Variants in LRRTM4 observed in about 807,000 individuals in gnomAD.
LRRTM4 encodes the protein leucine rich repeat transmembrane neuronal 4, also known as leucine-rich repeat transmembrane neuronal protein 4.
A neutral mutation model predicts 47.6 loss-of-function variants in LRRTM4; 25 were observed. That is an observed-to-expected ratio of 0.53 (90% CI 0.38 to 0.73). The LOEUF (loss-of-function observed/expected upper bound fraction) is 0.73, where lower values mean the gene tolerates loss of function less well. Among genes scored for constraint, LRRTM4 ranks in the 30% least tolerant of loss-of-function variants. The probability of loss-of-function intolerance (pLI) is 0.00; values close to 1 mark genes in which losing one functional copy is unlikely to be tolerated. For missense variants in LRRTM4, 638 were observed against 713.4 expected, an observed-to-expected ratio of 0.89 and a Z score of 1.20; for synonymous variants, 311 against 269.5, an observed-to-expected ratio of 1.15 and a Z score of -1.51.
At chr2:76,752,955 T>C (rs756975440) in intron 3 of LRRTM4, among the ~76,000 whole-genome samples, 118 of 152,186 alleles carry the variant, frequency 7.8e-4, no homozygotes, top group African/African-American at 2.6e-3. Context: ...TGACTGCTCA[T>C]TGACTGCATT....
chr2:77,106,541 T>TA (rs200347318), intron 3 of LRRTM4, among the ~76,000 whole-genome samples: 20 of 150,922 alleles, frequency 1.3e-4, no homozygotes, highest in African/African-American at 2.4e-4. Context: ...TAACACATAT[T>TA]AAAAAAAAAC....
At chr2:77,311,713 T>G (rs1677462525) in intron 3 of LRRTM4, among the ~76,000 whole-genome samples, 1 of 151,940 alleles carries the variant, frequency 6.6e-6, no homozygotes, top group Non-Finnish European at 1.5e-5. Flanking sequence ...CTAGAAGAAG[T>G]GAGCAATAAT....
chr2:76,979,666 T>C (rs1179556246), intron 3 of LRRTM4, among the ~76,000 whole-genome samples: 8 of 144,192 alleles, frequency 5.5e-5, no homozygotes, highest in African/African-American at 2.1e-4. Flanking sequence ...TTGGTTGTGT[T>C]TGAATCACAG....
chr2:77,170,950 TG>T (rs1673031378), intron 3 of LRRTM4, among the ~76,000 whole-genome samples: 2 of 69,992 alleles, frequency 2.9e-5, no homozygotes, highest in South Asian at 4.3e-4. Context: ...ATGTATTATA[TG>T]TATTATATGT....
chr2:76,771,245 G>A (rs1673689437), intron 3 of LRRTM4, among the ~76,000 whole-genome samples: 1 of 152,200 alleles, frequency 6.6e-6, no homozygotes, highest in South Asian at 2.1e-4. Flanking sequence ...AGCCACAGGA[G>A]TTGGAATCGC....
rs1240868472 is a variant in LRRTM4, at chr2:77,373,874, T to C, written c.1551+144444A>G. On this transcript the variant is annotated intron_variant, in intron 3 of 3. Transcript: ENST00000409884. ...GGAAACAGCTCAGGTTAACACCTAA[T>C]GAAAAGCCTATATTTTTTTCTTATG... 3.3e-5 allele frequency among the ~76,000 whole-genome samples: 5 copies of C among 151,774 alleles called. No individual in the cohort carries two copies. The East Asian group carries it at 9.7e-4, about 29-fold the overall frequency.
At chr2:77,326,291 CTT>C (rs1370940905) in intron 3 of LRRTM4, among the ~76,000 whole-genome samples, 7 of 152,188 alleles carry the variant, frequency 4.6e-5, no homozygotes, top group Non-Finnish European at 8.8e-5. Context: ...AATGTATCTA[CTT>C]TTCTCTTGTT....
At chr2:77,494,380 C>T (rs1573491582) in intron 3 of LRRTM4, among the ~76,000 whole-genome samples, 1 of 152,098 alleles carries the variant, frequency 6.6e-6, no homozygotes, top group Non-Finnish European at 1.5e-5. Context: ...TTGCGCATTG[C>T]TGTCGGTGGT....
At chr2:76,775,879 G>A (rs1673956733) in intron 3 of LRRTM4, among the ~76,000 whole-genome samples, 1 of 151,990 alleles carries the variant, frequency 6.6e-6, no homozygotes, top group Non-Finnish European at 1.5e-5. Context: ...CTAGCATTAG[G>A]TATGTCTCCC....
intron 3 of LRRTM4, among the ~76,000 whole-genome samples, chr2:76,913,988 A>C (rs1489080385): frequency 2.0e-5 from 3 of 151,978 alleles, no homozygotes; most frequent in African/African-American, 7.2e-5. Flanking sequence ...TCAATATTTA[A>C]AAAGTATAAT....
intron 3 of LRRTM4, among the ~76,000 whole-genome samples, chr2:77,216,773 T>C (rs975763858): frequency 2.0e-5 from 3 of 151,454 alleles, no homozygotes; most frequent in African/African-American, 7.3e-5. Flanking sequence ...CTGTATCACT[T>C]AGAGAGGTTT....
chr2:77,234,491 T>C (rs958355144), intron 3 of LRRTM4, among the ~76,000 whole-genome samples: 6 of 152,330 alleles, frequency 3.9e-5, no homozygotes, highest in Non-Finnish European at 7.3e-5. Context: ...CTGTAAAAGG[T>C]AGGATTAACA....
chr2:77,221,782 C>T (rs1226880778), intron 3 of LRRTM4, among the ~76,000 whole-genome samples: 5 of 152,196 alleles, frequency 3.3e-5, no homozygotes, highest in Non-Finnish European at 5.9e-5. Context: ...CCACTGTCAA[C>T]ATTAGACAGA....
intron 3 of LRRTM4, among the ~76,000 whole-genome samples, chr2:77,465,987 G>A (rs554358937): frequency 4.4e-4 from 67 of 152,244 alleles, no homozygotes; most frequent in African/African-American, 1.5e-3. Flanking sequence ...GTTTTGCTTA[G>A]CGATTATAAT....
chr2:77,483,359 G>A (rs1258588266), intron 3 of LRRTM4, among the ~76,000 whole-genome samples: 1 of 151,984 alleles, frequency 6.6e-6, no homozygotes, highest in Non-Finnish European at 1.5e-5. Context: ...TAGTGGTGGA[G>A]GGGGACAGTC....
chr2:77,221,190 G>A (rs1412149827), intron 3 of LRRTM4, among the ~76,000 whole-genome samples: 1 of 152,148 alleles, frequency 6.6e-6, no homozygotes, highest in Non-Finnish European at 1.5e-5. Flanking sequence ...TGCCCTAAAA[G>A]AGCTCCTGAA....
intron 3 of LRRTM4, among the ~76,000 whole-genome samples, chr2:77,354,401 G>A (rs1671894281): frequency 1.3e-5 from 2 of 149,060 alleles, no homozygotes; most frequent in Admixed American, 6.7e-5. Flanking sequence ...AGATATCTTA[G>A]ACGTACTTCC....
At chr2:77,354,087 T>C (rs1573300101) in intron 3 of LRRTM4, among the ~76,000 whole-genome samples, 1 of 152,146 alleles carries the variant, frequency 6.6e-6, no homozygotes, top group Non-Finnish European at 1.5e-5. Flanking sequence ...AAAAGGAGTG[T>C]CAGCTTCTGG....
rs1485378440 is a variant in LRRTM4 at position 76,912,077 on chromosome 2, T to A, written c.1552-163161A>T. On this transcript the variant is annotated intron_variant, in intron 3 of 3. Transcript: ENST00000409884. ...CTGCAACTATAGGCGCCCGCCACCA[T>A]GCCCGGCTAATTTTTGTATTTTTAG... is the stretch of plus-strand genomic sequence containing the variant. 2.0e-5 allele frequency among the ~76,000 whole-genome samples: 3 copies of A among 151,976 alleles called. No homozygotes were observed. The South Asian group carries it at 6.2e-4, about 32-fold the overall frequency.
Sources: gnomAD v4.1 joint callset for allele counts (sites outside exome capture counted in the v4.1 genomes callset) on GRCh38, gnomAD v4.1.1 for gene constraint, MANE v1.5 for transcripts, NCBI Gene and HGNC (gene_info 2026-07-23, HGNC 2026-07-21) for gene names.